Variants in PGBD5 observed in about 807,000 individuals in gnomAD.
PGBD5 encodes the protein piggyBac transposable element derived 5, also known as piggyBac transposable element-derived protein 5.
A neutral mutation model predicts 47.9 loss-of-function variants in PGBD5; 14 were observed. The ratio of observed to expected loss-of-function variants is 0.29; its 90% CI spans 0.19 to 0.46. PGBD5 has a LOEUF of 0.46. PGBD5 is among the 20% of genes least tolerant of loss of function. The pLI is 1.00. For synonymous variants in PGBD5, 316 were observed against 306.3 expected (o/e 1.03, Z -0.33); for missense variants, 635 against 716.0 (o/e 0.89, Z 1.29).
At chr1:230,419,069 A>C (rs920489245) in intron 1 of PGBD5, among the ~76,000 whole-genome samples, 1 of 152,256 alleles carries the variant, frequency 6.6e-6, no homozygotes, top group African/African-American at 2.4e-5. Flanking sequence ...ATATACCCAA[A>C]GGAAAACAAA....
chr1:230,321,252 T>G lies in PGBD5; in HGVS notation c.*2173A>C, dbSNP rs1403416284. ...TTCTTTTTTAAACTGCTCAGTGGTT[T>G]GAGACACCAAGAACAGTTAATATCA... On this transcript the variant is annotated 3_prime_UTR_variant, in exon 7 of 7. Coordinates refer to ENST00000391860, the MANE Select transcript of PGBD5 (RefSeq NM_001258311.2). The G allele has an allele frequency of 6.6e-6, 1 of 152,252 alleles. No homozygotes were observed. Among genetic ancestry groups the G allele is most frequent in the Non-Finnish European group, 1.5e-5 (1 of 68,048 alleles). 9.4% of individuals were successfully genotyped at this position (152,252 alleles called of 1,614,324 possible).
At chr1:230,379,094 A>G (rs1291109212) in intron 1 of PGBD5, among the ~76,000 whole-genome samples, 2 of 152,076 alleles carry the variant, frequency 1.3e-5, no homozygotes, top group Non-Finnish European at 2.9e-5. Flanking sequence ...ATGACTTCCG[A>G]TTCTTACTTC....
intron 1 of PGBD5, among the ~76,000 whole-genome samples, chr1:230,366,771 T>C (rs1204769807): frequency 6.6e-6 from 1 of 152,124 alleles, no homozygotes; most frequent in East Asian, 1.9e-4. Flanking sequence ...GCCCCATAAA[T>C]GGTATCTGAT....
intron 2 of PGBD5, 116 bp from the exon 3 acceptor site, chr1:230,351,208 G>C: frequency 8.5e-7 from 1 of 1,179,462 alleles, no homozygotes; most frequent in Non-Finnish European, 1.1e-6. Flanking sequence ...CCTTAACTAA[G>C]TTACTTTACC....
chr1:230,333,037 A>G lies in PGBD5; in HGVS notation c.1080T>C (p.Ile360=). 6.3e-7 allele frequency: 1 copy of G among 1,593,676 alleles called. No individual in the cohort carries two copies. Among genetic ancestry groups the G allele is most frequent in the South Asian group, 1.1e-5 (1 of 88,688 alleles). ...GCGCGCGGAGCAAGCCGCAGCAGTA[A>G]ATCCCTGAGGGGAGAGGGAGGAAGG... The part of the protein sequence containing the change: ...TLFEEFEKQG[I]YCCGLLRARK... Residue 360 remains isoleucine (I), a synonymous_variant, in exon 5 of 7, where the codon ATT becomes ATC. Coordinates refer to ENST00000391860, the MANE Select transcript of PGBD5 (RefSeq NM_001258311.2).
At chr1:230,358,385 T>G (rs1274174057) in intron 1 of PGBD5, among the ~76,000 whole-genome samples, 1 of 152,172 alleles carries the variant, frequency 6.6e-6, no homozygotes, top group Non-Finnish European at 1.5e-5. Flanking sequence ...TGAGGCGGTT[T>G]TGTAAGTAAA....
At chr1:230,361,633 T>G (rs1269675368) in intron 1 of PGBD5, among the ~76,000 whole-genome samples, 2 of 152,192 alleles carry the variant, frequency 1.3e-5, no homozygotes, top group Non-Finnish European at 2.9e-5. Context: ...CAGCAGTGAC[T>G]AGAAAAGGAG....
At chr1:230,365,538 C>T (rs1368316109) in intron 1 of PGBD5, among the ~76,000 whole-genome samples, 2 of 152,204 alleles carry the variant, frequency 1.3e-5, no homozygotes, top group African/African-American at 4.8e-5. Flanking sequence ...GATTTCATTT[C>T]TGTGTGATGG....
At chr1:230,384,423 A>C (rs1012954682) in intron 1 of PGBD5, among the ~76,000 whole-genome samples, 1 of 151,996 alleles carries the variant, frequency 6.6e-6, no homozygotes, top group African/African-American at 2.4e-5. Context: ...GGAGAGACCA[A>C]CCCAGGTTCA....
At chr1:230,420,980 G>C (rs528346698) in intron 1 of PGBD5, among the ~76,000 whole-genome samples, 1 of 152,120 alleles carries the variant, frequency 6.6e-6, no homozygotes, top group Non-Finnish European at 1.5e-5. Context: ...AGGAGTTTGA[G>C]TCCACCCTGG....
intron 1 of PGBD5, among the ~76,000 whole-genome samples, chr1:230,392,778 C>T (rs1368739451): frequency 1.3e-5 from 2 of 152,150 alleles, no homozygotes; most frequent in Non-Finnish European, 2.9e-5. Context: ...CAGTGCTTGG[C>T]TCTCCGGCCT....
rs949068912 is a variant in PGBD5 at position 230,318,144 on chromosome 1, C to T, written c.*5281G>A. On this transcript the variant is annotated 3_prime_UTR_variant, in exon 7 of 7. Transcript: ENST00000391860. Reference sequence around the variant, plus strand: ...CAGGGAGGGAGGGACACAGAGATGGCTAAATGGCAGCGAGCTGCGTGGCCA... The same window carrying T: ...CAGGGAGGGAGGGACACAGAGATGGTTAAATGGCAGCGAGCTGCGTGGCCA... 6 of 152,258 alleles carry T rather than the reference C, an allele frequency of 3.9e-5. No homozygotes were observed. The highest frequency in any genetic ancestry group is 1.4e-4 in the African/African-American group (6 of 41,462). The allele number at this position is 152,258 out of a possible 1,614,324, so 9.4% of individuals were successfully genotyped here. A position where few individuals can be genotyped will look rare whatever the true frequency, so the allele number is the denominator to read the frequency against.
chr1:230,387,903 G>T (rs1213025919), intron 1 of PGBD5, among the ~76,000 whole-genome samples: 1 of 152,132 alleles, frequency 6.6e-6, no homozygotes, highest in African/African-American at 2.4e-5. Flanking sequence ...TTACATAATT[G>T]GAGGGGAAGT....
At chr1:230,350,481 G>A (rs1254832277) in intron 3 of PGBD5, among the ~76,000 whole-genome samples, 1 of 152,196 alleles carries the variant, frequency 6.6e-6, no homozygotes, top group Non-Finnish European at 1.5e-5. Context: ...TGTTGGTGGA[G>A]GTCTGTGAAG....
chr1:230,423,317 T>G (rs1267218254), intron 1 of PGBD5, among the ~76,000 whole-genome samples: 1 of 152,262 alleles, frequency 6.6e-6, no homozygotes, highest in South Asian at 2.1e-4. Context: ...ACTCTACCCA[T>G]GCAGTGAGAT....
chr1:230,347,476 C>CTTTTTTTTTTTTTTTTT (rs71733326), intron 3 of PGBD5, among the ~76,000 whole-genome samples: 1 of 113,454 alleles, frequency 8.8e-6, no homozygotes, highest in Admixed American at 9.4e-5. Context: ...ATTTTCTTTT[C>CTTTTTTTTTTTTTTTTT]TTTTTTTTTT....
chr1:230,388,298 T>A (rs1656698302), intron 1 of PGBD5, among the ~76,000 whole-genome samples: 1 of 152,132 alleles, frequency 6.6e-6, no homozygotes, highest in Admixed American at 6.5e-5. Flanking sequence ...CCTGGCCTCC[T>A]GGAAGCCAAG....
At chr1:230,346,009 C>T (rs1667468436) in intron 3 of PGBD5, among the ~76,000 whole-genome samples, 1 of 152,146 alleles carries the variant, frequency 6.6e-6, no homozygotes, top group Non-Finnish European at 1.5e-5. Flanking sequence ...GAACTCGCCA[C>T]TGCACCCAGC....
chr1:230,364,262 G>A (rs1213996580), intron 1 of PGBD5, among the ~76,000 whole-genome samples: 2 of 152,246 alleles, frequency 1.3e-5, no homozygotes, highest in Non-Finnish European at 2.9e-5. Context: ...GGGTAGCCAG[G>A]TGAAATAACT....
Sources: gnomAD v4.1 joint callset for allele counts (sites outside exome capture counted in the v4.1 genomes callset) on GRCh38, gnomAD v4.1.1 for gene constraint, MANE v1.5 for transcripts, NCBI Gene and HGNC (gene_info 2026-07-23, HGNC 2026-07-21) for gene names.